Variants in UTP6 observed in about 807,000 individuals in gnomAD.
The protein encoded by UTP6 is UTP6 small subunit processome component.
Under a neutral mutation model 96.5 loss-of-function variants are expected in UTP6, and 60 were observed. The ratio of observed to expected loss-of-function variants is 0.62; its 90% CI spans 0.51 to 0.77. UTP6 has a LOEUF of 0.77. Among genes scored for constraint, UTP6 ranks in the 30% least tolerant of loss-of-function variants. The pLI, the probability that UTP6 is intolerant of heterozygous loss-of-function variation, is 0.00. For missense variants in UTP6, 637 were observed against 706.5 expected, an observed-to-expected ratio of 0.90 and a Z score of 1.12; for synonymous variants, 215 against 240.1, an observed-to-expected ratio of 0.90 and a Z score of 0.96.
chr17:31,864,829 A>T (rs75606588), intron 18 of UTP6, among the ~76,000 whole-genome samples: 14,245 of 151,516 alleles, frequency 0.094, 1,226 homozygotes, highest in African/African-American at 0.23. Context: ...GGATCTAAAT[A>T]TGTTGCCCAG....
intron 1 of UTP6, among the ~76,000 whole-genome samples, chr17:31,900,556 CTGGGATTACAGGCGTGAG>C (rs1904918281): frequency 6.6e-6 from 1 of 152,168 alleles, no homozygotes; most frequent in Admixed American, 6.5e-5. Flanking sequence ...TCCCAAAGTG[CTGGGATTACAGGCGTGAG>C]CCACAGCGCC....
chr17:31,872,538 T>C (rs1243676225), intron 16 of UTP6, among the ~76,000 whole-genome samples: 3 of 150,616 alleles, frequency 2.0e-5, no homozygotes, highest in Non-Finnish European at 4.4e-5. Context: ...TAGCTGGACA[T>C]GGTGGTACAT....
At chr17:31,880,162 G>T in intron 11 of UTP6, 1 of 193,136 alleles carries the variant, frequency 5.2e-6, no homozygotes, top group Non-Finnish European at 1.1e-5. Context: ...CTGTAATCCT[G>T]TAACCCTAGC....
chr17:31,875,737 C>T (rs893461736), intron 13 of UTP6, among the ~76,000 whole-genome samples: 1 of 150,954 alleles, frequency 6.6e-6, no homozygotes, highest in Admixed American at 6.6e-5. Context: ...GCAGAAGAAT[C>T]GCTTGAATCC....
At chr17:31,881,541 G>A (rs1260465609) in intron 10 of UTP6, among the ~76,000 whole-genome samples, 1 of 152,046 alleles carries the variant, frequency 6.6e-6, no homozygotes, top group African/African-American at 2.4e-5. Context: ...AGTGCTGGGT[G>A]GGATTACAGT....
chr17:31,873,591 G>A (rs759709024), intron 15 of UTP6, 82 bp downstream of exon 15: 113 of 1,604,026 alleles, frequency 7.0e-5, no homozygotes, highest in African/African-American at 9.4e-5. Context: ...TGCTTTAGGC[G>A]CACCTGCAAC....
intron 6 of UTP6, 146 bp downstream of exon 6, chr17:31,892,114 G>T: frequency 1.4e-6 from 1 of 721,724 alleles, no homozygotes; most frequent in East Asian, 2.7e-5. Flanking sequence ...CTATGAGGCA[G>T]CTATTCAGTA....
At chr17:31,901,090 A>G (rs537815205) in intron 1 of UTP6, among the ~76,000 whole-genome samples, 15 of 152,318 alleles carry the variant, frequency 9.8e-5, no homozygotes, top group African/African-American at 2.9e-4. Context: ...AACTGATTTC[A>G]ATGGTCCCCA....
chr17:31,892,513 A>G (rs1904380161), intron 5 of UTP6, among the ~76,000 whole-genome samples, 190 bp from the exon 6 acceptor site: 1 of 152,240 alleles, frequency 6.6e-6, no homozygotes, highest in Non-Finnish European at 1.5e-5. Flanking sequence ...CACTTTAAAT[A>G]TCTTTTTAAA....
At chr17:31,879,282 C>T (rs758907290) in intron 11 of UTP6, among the ~76,000 whole-genome samples, 83 of 151,730 alleles carry the variant, frequency 5.5e-4, no homozygotes, top group East Asian at 1.9e-4. Flanking sequence ...CCCAGCTACT[C>T]GGGAGGCTGA....
In UTP6 at chr17:31,894,734, T is replaced by C. The variant is rs751818861; in HGVS notation, c.223A>G (p.Ile75Val). 2.2e-5 allele frequency: 35 copies of C among 1,608,142 alleles called. No homozygotes were observed. Among genetic ancestry groups the C allele is most frequent in the Non-Finnish European group, 2.9e-5 (34 of 1,176,552 alleles). The change falls in exon 4 of 19, where the codon ATT becomes GTT. Residue 75 changes from isoleucine to valine, a missense_variant. Physicochemically the swap from Ile to Val is conservative, Grantham distance 29. Transcript: ENST00000261708. Reference protein sequence around the residue: ...LELIQRRRTRIGYSFKKDEIE... With the variant: ...LELIQRRRTRVGYSFKKDEIE... ...TCATCCTTCTTAAATGAATATCCAATGCGCTAAAGGGGGACATAAAAAAAC... is the reference window on the plus strand; with the variant it reads ...TCATCCTTCTTAAATGAATATCCAACGCGCTAAAGGGGGACATAAAAAAAC...
intron 14 of UTP6, 27 bp downstream of exon 14, chr17:31,875,207 T>C (rs1180154725): frequency 3.1e-6 from 5 of 1,611,002 alleles, no homozygotes; most frequent in South Asian, 2.2e-5. Flanking sequence ...CCAAATATAA[T>C]GAATACAAAA....
chr17:31,885,089 G>C (rs985907133), intron 9 of UTP6: 1 of 152,132 alleles, frequency 6.6e-6, no homozygotes, highest in Non-Finnish European at 1.5e-5. Flanking sequence ...GCTGGGTACA[G>C]TATACACTGC....
chr17:31,873,668 T>C lies in UTP6; in HGVS notation c.1386+5A>G, dbSNP rs981368028. 6 of 1,613,768 alleles carry C rather than the reference T, an allele frequency of 3.7e-6. No homozygotes were observed. Among genetic ancestry groups the C allele is most frequent in the Non-Finnish European group, 5.1e-6 (6 of 1,179,970 alleles). ...ACCACAAGACTTGGAACACGGAGCC[T>C]ATACCTTAAAGACTGCCTCAGTGTC... On this transcript the variant is annotated splice_donor_5th_base_variant and intron_variant, in intron 15 of 18. Coordinates refer to ENST00000261708, the MANE Select transcript of UTP6 (RefSeq NM_018428.3).
intron 7 of UTP6, 174 bp from the exon 8 acceptor site, chr17:31,887,487 A>AG: frequency 1.7e-6 from 1 of 573,484 alleles, no homozygotes; most frequent in Non-Finnish European, 3.1e-6. Context: ...AGCTAGGATT[A>AG]GAGGTGCATT....
At chr17:31,875,501 G>C in intron 13 of UTP6, 88 bp from the exon 14 acceptor site, 2 of 1,392,566 alleles carry the variant, frequency 1.4e-6, no homozygotes, top group South Asian at 2.7e-5. Flanking sequence ...TTTGAGGCAA[G>C]AATTTCACCA....
chr17:31,880,425 T>TAAAAAA, intron 11 of UTP6, 148 bp downstream of exon 11: 2 of 662,944 alleles, frequency 3.0e-6, no homozygotes, highest in South Asian at 2.0e-5. Flanking sequence ...TGCCTCCCAA[T>TAAAAAA]AAAAAAAAAA....
At chr17:31,871,959 C>T (rs953867999) in intron 16 of UTP6, among the ~76,000 whole-genome samples, 6 of 151,712 alleles carry the variant, frequency 4.0e-5, no homozygotes, top group Non-Finnish European at 5.9e-5. Context: ...TTAGGGAGGC[C>T]GAGGCGGGCA....
intron 2 of UTP6, among the ~76,000 whole-genome samples, chr17:31,898,241 A>T (rs565499757): frequency 2.2e-4 from 33 of 152,234 alleles, no homozygotes; most frequent in African/African-American, 7.5e-4. Context: ...TAATTTTTTT[A>T]AAAAACTGAT....
Sources: allele counts gnomAD v4.1 joint callset (sites outside exome capture counted in the v4.1 genomes callset), GRCh38; gene constraint gnomAD v4.1.1; transcripts MANE v1.5; gene names NCBI Gene and HGNC (gene_info 2026-07-23, HGNC 2026-07-21).